UNC5A: variants seen among roughly 807,000 people sequenced by gnomAD.
UNC5A encodes the protein netrin receptor UNC5A.
UNC5A carries 20 observed loss-of-function variants against 87.4 expected under a neutral mutation model. The observed-to-expected ratio is 0.23, with a 90% CI of 0.16 to 0.33. The LOEUF is 0.33. Ranked by LOEUF, UNC5A falls within the 10% of genes least tolerant of loss-of-function variation. UNC5A has a pLI of 1.00. For missense variants in UNC5A, 844 were observed against 1,133.4 expected (o/e 0.74, Z 3.67); for synonymous variants, 438 against 482.3 (o/e 0.91, Z 1.20).
intron 1 of UNC5A, among the ~76,000 whole-genome samples, chr5:176,856,295 T>C (rs1396230948): frequency 6.6e-6 from 1 of 152,174 alleles, no homozygotes; most frequent in Non-Finnish European, 1.5e-5. Context: ...AAGAGCAGCA[T>C]GTGCCAGCGG....
intron 2 of UNC5A, among the ~76,000 whole-genome samples, chr5:176,864,020 G>A (rs898290656): frequency 3.3e-5 from 5 of 151,234 alleles, no homozygotes; most frequent in African/African-American, 7.3e-5. Flanking sequence ...ATACCCTGTC[G>A]AGGCACAGCC....
chr5:176,854,271 GCTGTCTCTGTCC>G (rs934282423), intron 1 of UNC5A, among the ~76,000 whole-genome samples: 99 of 150,872 alleles, frequency 6.6e-4, no homozygotes, highest in African/African-American at 2.2e-3. Flanking sequence ...CACCACAGGT[GCTGTCTCTGTCC>G]CTGTCTCTGT....
chr5:176,845,287 C>T lies in UNC5A; in HGVS notation c.71-17337C>T, dbSNP rs114162012. On this transcript the variant is annotated intron_variant, in intron 1 of 14. Transcript: ENST00000329542. ...CTGACCCCCTCGTCCCTGCTCAAGT[C>T]TTCTGCCGCCCCTGCTTCCCCACGC... Among the ~76,000 whole-genome samples, 1,184 of 152,334 alleles carry T rather than the reference C, an allele frequency of 7.8e-3. 14 individuals are homozygous for T. The highest frequency in any genetic ancestry group is 0.027 in the African/African-American group (1,132 of 41,562).
At chr5:176,812,713 G>A (rs1756489213) in intron 1 of UNC5A, among the ~76,000 whole-genome samples, 3 of 152,166 alleles carry the variant, frequency 2.0e-5, no homozygotes, top group African/African-American at 4.8e-5. Context: ...TCGGCAGGTG[G>A]GCACAGGTGC....
At chr5:176,825,707 A>G (rs1469033944) in intron 1 of UNC5A, among the ~76,000 whole-genome samples, 2 of 152,180 alleles carry the variant, frequency 1.3e-5, no homozygotes, top group East Asian at 3.9e-4. Context: ...CACAGCTACC[A>G]TGGCAGAGCT....
intron 1 of UNC5A, among the ~76,000 whole-genome samples, chr5:176,837,067 C>G (rs1056858351): frequency 6.6e-6 from 1 of 152,204 alleles, no homozygotes; most frequent in South Asian, 2.1e-4. Context: ...AGGGTGCCTT[C>G]CCTCTCACCA....
intron 1 of UNC5A, among the ~76,000 whole-genome samples, chr5:176,830,719 G>A (rs2113605744): frequency 2.0e-5 from 1 of 49,770 alleles, no homozygotes; most frequent in East Asian, 7.4e-4. Context: ...TGTGTGTGCT[G>A]GCATGTATGT....
intron 2 of UNC5A, 42 bp from the exon 3 acceptor site, chr5:176,868,088 G>T: frequency 6.3e-7 from 1 of 1,595,614 alleles, no homozygotes; most frequent in Non-Finnish European, 8.5e-7. Context: ...AGAAGCTCAG[G>T]GTGGCCCTGG....
At chr5:176,818,698 A>G (rs899195740) in intron 1 of UNC5A, among the ~76,000 whole-genome samples, 8 of 152,076 alleles carry the variant, frequency 5.3e-5, no homozygotes, top group Non-Finnish European at 1.0e-4. Context: ...CTATGTGGCT[A>G]TTTACTGCCA....
At chr5:176,846,627 C>T (rs1291215562) in intron 1 of UNC5A, among the ~76,000 whole-genome samples, 5 of 152,122 alleles carry the variant, frequency 3.3e-5, no homozygotes, top group Non-Finnish European at 7.4e-5. Context: ...TGGGCGGTAA[C>T]CTTGGACTTA....
At chr5:176,857,472 C>T (rs906110361) in intron 1 of UNC5A, among the ~76,000 whole-genome samples, 15 of 152,168 alleles carry the variant, frequency 9.9e-5, no homozygotes, top group African/African-American at 3.1e-4. Context: ...CTGCCACCCC[C>T]GTTGGCCCCC....
intron 1 of UNC5A, among the ~76,000 whole-genome samples, chr5:176,820,320 C>G (rs1255294942): frequency 6.6e-6 from 1 of 152,068 alleles, no homozygotes; most frequent in Non-Finnish European, 1.5e-5. Flanking sequence ...TGGCATGAAC[C>G]TGGGAGGTGG....
In UNC5A at chr5:176,874,699, G is replaced by A; in HGVS notation, c.1378+133G>A. ...AGGAAAGGGGGTGGAGTTTTGGGGA[G>A]AACCCAGTCTTGGCTGGCACCGAGG... On this transcript the variant is annotated intron_variant, in intron 8 of 14. Coordinates refer to ENST00000329542, the MANE Select transcript of UNC5A (RefSeq NM_133369.3). The surrounding 1 kb of genome is among the most constrained non-coding windows in gnomAD (Gnocchi z 7.6). The A allele has an allele frequency of 2.7e-6, 3 of 1,097,384 alleles. No individual in the cohort carries two copies. Among genetic ancestry groups the A allele is most frequent in the Non-Finnish European group, 3.8e-6 (3 of 799,360 alleles). 68.0% of individuals were successfully genotyped at this position (1,097,384 alleles called of 1,614,324 possible).
intron 1 of UNC5A, among the ~76,000 whole-genome samples, chr5:176,851,647 C>A (rs1757545265): frequency 6.6e-6 from 1 of 152,238 alleles, no homozygotes; most frequent in South Asian, 2.1e-4. Context: ...TGAGGGAGCT[C>A]TGTGCACCCC....
At chr5:176,849,210 A>G (rs969991114) in intron 1 of UNC5A, among the ~76,000 whole-genome samples, 5 of 152,200 alleles carry the variant, frequency 3.3e-5, no homozygotes, top group African/African-American at 9.7e-5. Context: ...CGGAGTGTTT[A>G]AAGTGTTTAA....
intron 1 of UNC5A, among the ~76,000 whole-genome samples, chr5:176,862,056 A>G (rs1159026262): frequency 6.6e-6 from 1 of 152,242 alleles, no homozygotes. Flanking sequence ...GGTCTCCTTG[A>G]AGGAGGTGGC....
Position 176,830,820 on chromosome 5 carries a change from G to A in UNC5A, c.70+20000G>A, listed in dbSNP as rs1040723392. Among the ~76,000 whole-genome samples the A allele has an allele frequency of 1.0e-4, 15 of 148,684 alleles. No homozygotes were observed. In the South Asian group the frequency reaches 1.1e-3, roughly 11 times the overall value. On this transcript the variant is annotated intron_variant, in intron 1 of 14. Coordinates refer to ENST00000329542, the MANE Select transcript of UNC5A (RefSeq NM_133369.3). ...GGCATGTGTGTGTGCGTGTGTGTGC[G>A]CTGGCATGTATGTGCTGGCATGTGT...
chr5:176,817,264 T>A (rs1300146158), intron 1 of UNC5A, among the ~76,000 whole-genome samples: 1 of 134,494 alleles, frequency 7.4e-6, no homozygotes. Flanking sequence ...CAGGCAAATA[T>A]GTAGCTGAGA....
rs1260868164 is a variant in UNC5A at position 176,877,207 on chromosome 5, T to TC, written c.1400dup (p.Asp468ArgfsTer10). 6.2e-7 allele frequency: 1 copy of TC among 1,611,868 alleles called. No individual in the cohort carries two copies. Among genetic ancestry groups the TC allele is most frequent in the Non-Finnish European group, 8.5e-7 (1 of 1,179,234 alleles). On this transcript the variant is annotated frameshift_variant, in exon 9 of 15. Coordinates refer to ENST00000329542, the MANE Select transcript of UNC5A (RefSeq NM_133369.3). LOFTEE classifies it high-confidence loss of function. ...GCCGTTCCAGGAATCAGCCTCCTCA[T>TC]CCCCCCAGATGCCATACCCCGAGGG... is the stretch of plus-strand genomic sequence containing the variant.
Sources: gnomAD v4.1 joint callset for allele counts (sites outside exome capture counted in the v4.1 genomes callset) on GRCh38, gnomAD v4.1.1 for gene constraint, Gnocchi (gnomAD v3.1) non-coding constraint, MANE v1.5 for transcripts, NCBI Gene and HGNC (gene_info 2026-07-23, HGNC 2026-07-21) for gene names.